Variants in SDC3 observed in about 807,000 individuals in gnomAD.
SDC3 encodes syndecan 3.
A neutral mutation model predicts 24.4 loss-of-function variants in SDC3; 13 were observed. The ratio of observed to expected loss-of-function variants is 0.53; its 90% CI spans 0.35 to 0.85. The LOEUF (loss-of-function observed/expected upper bound fraction) is 0.85, where lower values mean the gene tolerates loss of function less well. SDC3 is among the 40% of genes least tolerant of loss of function. The pLI, the probability that SDC3 is intolerant of heterozygous loss-of-function variation, is 0.01. For synonymous variants in SDC3, 295 were observed against 260.9 expected (o/e 1.13, Z -1.26); for missense variants, 571 against 584.5 (o/e 0.98, Z 0.24).
chr1:30,898,054 C>T (rs1365515694), intron 1 of SDC3, among the ~76,000 whole-genome samples: 2 of 136,212 alleles, frequency 1.5e-5, no homozygotes, highest in East Asian at 4.5e-4. Flanking sequence ...TGTGGAGGAC[C>T]TGTGGGGTTC....
intron 1 of SDC3, chr1:30,880,055 T>C (rs568887437): frequency 1.0e-4 from 16 of 152,594 alleles, no homozygotes; most frequent in African/African-American, 3.4e-4. Context: ...CAGGAGGAGC[T>C]GGGCCTGCTG....
chr1:30,885,580 A>G (rs1265520874), intron 1 of SDC3, among the ~76,000 whole-genome samples: 1 of 152,196 alleles, frequency 6.6e-6, no homozygotes, highest in African/African-American at 2.4e-5. Context: ...ACTGTTCGTG[A>G]GGGACCTTAC....
At chr1:30,891,922 C>T (rs1570015736) in intron 1 of SDC3, among the ~76,000 whole-genome samples, 2 of 151,802 alleles carry the variant, frequency 1.3e-5, no homozygotes, top group East Asian at 1.9e-4. Context: ...CAGGCAGGGA[C>T]CACAGAGGAT....
At chr1:30,884,459 T>C (rs1383972720) in intron 1 of SDC3, among the ~76,000 whole-genome samples, 3 of 152,076 alleles carry the variant, frequency 2.0e-5, no homozygotes, top group Non-Finnish European at 2.9e-5. Context: ...TCTGCAAAGA[T>C]ATCATGGCAG....
chr1:30,877,389 C>T (rs895298206), intron 2 of SDC3: 1 of 635,058 alleles, frequency 1.6e-6, no homozygotes, highest in Non-Finnish European at 2.8e-6. Flanking sequence ...ATTCTGGGGG[C>T]CGCCTCTCCC....
chr1:30,885,564 A>C (rs1639815231), intron 1 of SDC3, among the ~76,000 whole-genome samples: 1 of 152,168 alleles, frequency 6.6e-6, no homozygotes, highest in Non-Finnish European at 1.5e-5. Flanking sequence ...CTGAGACCCC[A>C]TTGAGACTGT....
intron 1 of SDC3, among the ~76,000 whole-genome samples, chr1:30,905,142 A>AT (rs1229385089): frequency 1.3e-5 from 2 of 151,840 alleles, no homozygotes; most frequent in African/African-American, 2.4e-5. Flanking sequence ...CCAACTTTCC[A>AT]TTTTTTTGGT....
At position 30,869,643 on chromosome 1, in the gene SDC3, CTG is replaced by C. The variant is rs1381546432; in HGVS notation, c.*3566_*3567del. 5.0e-6 allele frequency: 2 copies of C among 397,990 alleles called. No homozygotes were observed. Among genetic ancestry groups the C allele is most frequent in the Non-Finnish European group, 8.8e-6 (2 of 226,044 alleles). 24.7% of individuals were successfully genotyped at this position (397,990 alleles called of 1,614,324 possible). On this transcript the variant is annotated 3_prime_UTR_variant, in exon 5 of 5. Coordinates refer to ENST00000339394, the MANE Select transcript of SDC3 (RefSeq NM_014654.4). The stretch of plus-strand genomic sequence containing the variant: ...CAGGCGCCTTGGTCTCTTTTTTCCA[CTG>C]TCTTTTTCTTTTGTTTTTCTTATTT...
intron 1 of SDC3, among the ~76,000 whole-genome samples, chr1:30,891,673 C>T (rs933749109): frequency 6.6e-6 from 1 of 151,626 alleles, no homozygotes; most frequent in African/African-American, 2.4e-5. Context: ...ATCAGGAGTT[C>T]GAGACCCCGT....
At chr1:30,894,702 G>A in intron 1 of SDC3, among the ~76,000 whole-genome samples, 1 of 145,122 alleles carries the variant, frequency 6.9e-6, no homozygotes, top group East Asian at 2.1e-4. Flanking sequence ...GTGAGAGTGT[G>A]TGGGTGTGTG....
intron 1 of SDC3, among the ~76,000 whole-genome samples, chr1:30,900,111 G>T (rs996574218): frequency 4.6e-5 from 7 of 152,054 alleles, no homozygotes; most frequent in Non-Finnish European, 1.0e-4. Context: ...AAGCACCCAG[G>T]CTCCAGGCTC....
At chr1:30,891,660 G>C (rs923813840) in intron 1 of SDC3, among the ~76,000 whole-genome samples, 3 of 151,854 alleles carry the variant, frequency 2.0e-5, no homozygotes, top group African/African-American at 7.3e-5. Context: ...GGTGGATCAC[G>C]AGATCAGGAG....
chr1:30,907,745 A>G (rs1638552934), intron 1 of SDC3, among the ~76,000 whole-genome samples: 1 of 151,660 alleles, frequency 6.6e-6, no homozygotes, highest in Admixed American at 6.6e-5. Context: ...TGAGTTGGCC[A>G]CACACGCCCA....
At chr1:30,906,224 G>A (rs1336765574) in intron 1 of SDC3, among the ~76,000 whole-genome samples, 2 of 152,138 alleles carry the variant, frequency 1.3e-5, no homozygotes, top group Non-Finnish European at 2.9e-5. Context: ...GAGGGATGAT[G>A]CCCCTCCTTG....
upstream of SDC3, among the ~76,000 whole-genome samples, chr1:30,909,097 C>G (rs569388847): frequency 5.3e-5 from 8 of 152,276 alleles, no homozygotes; most frequent in Admixed American, 1.3e-4. Flanking sequence ...CTGAAGTCGC[C>G]GAGCGGAGGG....
intron 1 of SDC3, among the ~76,000 whole-genome samples, chr1:30,895,847 AGAG>A (rs957797370): frequency 8.8e-6 from 1 of 113,178 alleles, no homozygotes; most frequent in Admixed American, 1.1e-4. Context: ...GAAGCGAGTA[AGAG>A]GAGGAGGGTG....
chr1:30,901,797 C>A (rs756574545), intron 1 of SDC3, among the ~76,000 whole-genome samples: 2 of 105,320 alleles, frequency 1.9e-5, no homozygotes, highest in African/African-American at 3.6e-5. Flanking sequence ...GAACAAAAAC[C>A]AAGGCAGGTG....
At chr1:30,892,977 G>A (rs931257740) in intron 1 of SDC3, among the ~76,000 whole-genome samples, 16 of 151,942 alleles carry the variant, frequency 1.1e-4, no homozygotes, top group African/African-American at 2.2e-4. Flanking sequence ...TCACAGCAGC[G>A]TGGCCCCCTC....
intron 1 of SDC3, among the ~76,000 whole-genome samples, chr1:30,888,523 C>T (rs1639863463): frequency 6.6e-6 from 1 of 152,130 alleles, no homozygotes; most frequent in Admixed American, 6.5e-5. Flanking sequence ...TGACGGCTCC[C>T]CAAAGCCCTC....
Sources: allele counts gnomAD v4.1 joint callset (sites outside exome capture counted in the v4.1 genomes callset), GRCh38; gene constraint gnomAD v4.1.1; transcripts MANE v1.5; gene names NCBI Gene and HGNC (gene_info 2026-07-23, HGNC 2026-07-21).